The following NAA25 variants were observed in gnomAD, a reference collection of about 807,000 sequenced individuals.
The protein encoded by NAA25 is N-terminal acetyltransferase B complex subunit NAA25.
In NAA25, 30 loss-of-function variants were observed where a neutral mutation model predicts 132.5. The observed-to-expected ratio is 0.23, with a 90% CI of 0.17 to 0.31. The LOEUF (loss-of-function observed/expected upper bound fraction) is 0.31, where lower values mean the gene tolerates loss of function less well. Among genes scored for constraint, NAA25 ranks in the 10% least tolerant of loss-of-function variants. The pLI, the probability that NAA25 is intolerant of heterozygous loss-of-function variation, is 1.00. For missense variants in NAA25, 771 were observed against 1,150.4 expected (o/e 0.67, Z 4.77); for synonymous variants, 359 against 401.9 (o/e 0.89, Z 1.28).
intron 1 of NAA25, among the ~76,000 whole-genome samples, chr12:112,099,992 T>C (rs1473567968): frequency 6.6e-6 from 1 of 152,144 alleles, no homozygotes; most frequent in Non-Finnish European, 1.5e-5. Context: ...TACTTAAAAA[T>C]TCTAAAAGTT....
intron 1 of NAA25, 51 bp from the exon 2 acceptor site, chr12:112,093,187 T>C (rs1156306653): frequency 9.0e-7 from 1 of 1,110,790 alleles, no homozygotes; most frequent in African/African-American, 1.6e-5. Flanking sequence ...CAATAACAAA[T>C]ATAAAAAATG....
At chr12:112,066,965 G>A (rs2078726786) in intron 11 of NAA25, among the ~76,000 whole-genome samples, 1 of 152,176 alleles carries the variant, frequency 6.6e-6, no homozygotes, top group Admixed American at 6.5e-5. Context: ...TGGGAGAACG[G>A]ATGATGGCAG....
intron 10 of NAA25, among the ~76,000 whole-genome samples, chr12:112,070,293 TA>T (rs1191751279): frequency 2.6e-5 from 4 of 152,220 alleles, no homozygotes; most frequent in African/African-American, 9.6e-5. Context: ...AATCATTTTA[TA>T]AAAAGATCTA....
At chr12:112,077,666 A>G (rs902945529) in intron 7 of NAA25, among the ~76,000 whole-genome samples, 1 of 152,060 alleles carries the variant, frequency 6.6e-6, no homozygotes, top group Non-Finnish European at 1.5e-5. Flanking sequence ...GTATAAGAGT[A>G]TGCACAGCAG....
At chr12:112,067,735 A>G (rs1188282158) in intron 11 of NAA25, among the ~76,000 whole-genome samples, 2 of 152,152 alleles carry the variant, frequency 1.3e-5, no homozygotes, top group Non-Finnish European at 2.9e-5. Flanking sequence ...ACTATGTGTA[A>G]CTTCTGAGAT....
intron 22 of NAA25, chr12:112,034,098 C>T (rs1221266434): frequency 1.3e-5 from 2 of 152,160 alleles, no homozygotes; most frequent in Admixed American, 6.5e-5. Flanking sequence ...AAGATACATA[C>T]TCAACACTGT....
chr12:112,088,336 T>TC (rs1371595740), intron 3 of NAA25, among the ~76,000 whole-genome samples: 9 of 144,706 alleles, frequency 6.2e-5, no homozygotes, highest in African/African-American at 2.3e-4. Context: ...TTTTTTTTTT[T>TC]TTTTTTTGGA....
intron 3 of NAA25, among the ~76,000 whole-genome samples, chr12:112,089,983 C>T (rs1226775814): frequency 6.6e-6 from 1 of 150,932 alleles, no homozygotes; most frequent in Non-Finnish European, 1.5e-5. Flanking sequence ...AGGCGTGCAC[C>T]ACCACACCCA....
chr12:112,075,762 C>T lies in NAA25; in HGVS notation c.692G>A (p.Arg231Gln). 1 of 1,613,934 alleles carries T rather than the reference C, an allele frequency of 6.2e-7. No individual in the cohort carries two copies. Among genetic ancestry groups the T allele is most frequent in the Non-Finnish European group, 8.5e-7 (1 of 1,179,878 alleles). Residue 231 changes from arginine to glutamine, a missense_variant, in exon 8 of 24, where the codon CGG (arginine) becomes CAG (glutamine). By Grantham distance (43) the Arg-to-Gln change is conservative. Around this residue, in one of 3 missense-constraint regions of NAA25, gnomAD observed 417 missense variants for 733.8 expected, o/e 0.57. Coordinates refer to ENST00000261745, the MANE Select transcript of NAA25 (RefSeq NM_024953.4). ...GEKLTSEIQSRENKCMAMYKK... is the reference protein window; with the variant it reads ...GEKLTSEIQSQENKCMAMYKK... ...GTACATAGCCATGCATTTATTTTCCCGACTCTGAATCTCACTTGTCAACTT... is the reference window on the plus strand; with the variant it reads ...GTACATAGCCATGCATTTATTTTCCTGACTCTGAATCTCACTTGTCAACTT...
rs530305102 is a variant in NAA25, at chr12:112,059,075, C to CAAAAAAAA, written c.1447+1187_1447+1194dup. Among the ~76,000 whole-genome samples the CAAAAAAAA allele has an allele frequency of 1.6e-4, 10 of 63,278 alleles. 1 individual carries two copies. The highest frequency in any genetic ancestry group is 2.0e-4 in the Non-Finnish European group (5 of 25,592). The allele number at this position is 63,278 out of a possible 152,430, so 41.5% of individuals were successfully genotyped here. On this transcript the variant is annotated intron_variant, in intron 13 of 23. Transcript: ENST00000261745. ...GGCGACAGAGCGAGACTCCATCTCACAAAAAAAAAAAAAAAAAAAAAAAAA... is the reference window on the plus strand; with the variant it reads ...GGCGACAGAGCGAGACTCCATCTCACAAAAAAAAAAAAAAAAAAAAAAAAAAAAAAAAA...
chr12:112,032,025 G>A (rs1170842330), intron 23 of NAA25, among the ~76,000 whole-genome samples: 1 of 151,048 alleles, frequency 6.6e-6, no homozygotes, highest in African/African-American at 2.4e-5. Flanking sequence ...GTGCAGTGGC[G>A]CAATCTCGGC....
At chr12:112,105,210 T>C (rs1171671867) in intron 1 of NAA25, among the ~76,000 whole-genome samples, 1 of 151,280 alleles carries the variant, frequency 6.6e-6, no homozygotes, top group African/African-American at 2.4e-5. Context: ...GTCCCAGTAC[T>C]CAGGAGGCTG....
Position 112,075,769 on chromosome 12 carries a change from G to T in NAA25, c.685C>A (p.Gln229Lys). The T allele has an allele frequency of 6.2e-7, 1 of 1,613,900 alleles. No homozygotes were observed. Among genetic ancestry groups the T allele is most frequent in the Non-Finnish European group, 8.5e-7 (1 of 1,179,828 alleles). ...KLGEKLTSEI[Q>K]SRENKCMAMY... ...GCCATGCATTTATTTTCCCGACTCT[G>T]AATCTCACTTGTCAACTTCTCTAAA... Residue 229 changes from glutamine to lysine, a missense_variant, in exon 8 of 24, where the codon CAG becomes AAG. By Grantham distance (53) the Gln-to-Lys change is moderately conservative (BLOSUM62 1). Around this residue, in one of 3 missense-constraint regions of NAA25, gnomAD observed 417 missense variants for 733.8 expected, o/e 0.57. Transcript: ENST00000261745.
intron 1 of NAA25, among the ~76,000 whole-genome samples, chr12:112,101,971 A>T (rs2079302592): frequency 6.7e-6 from 1 of 149,164 alleles, no homozygotes; most frequent in African/African-American, 2.5e-5. Flanking sequence ...GGTTCAAGCT[A>T]TTCTCCTGCC....
intron 10 of NAA25, among the ~76,000 whole-genome samples, chr12:112,071,195 T>A (rs1384094296): frequency 6.6e-6 from 1 of 151,392 alleles, no homozygotes; most frequent in Non-Finnish European, 1.5e-5. Flanking sequence ...ATTTTTTGTA[T>A]TTTTAGCAGA....
At chr12:112,089,364 A>C (rs1335392860) in intron 3 of NAA25, among the ~76,000 whole-genome samples, 1 of 152,222 alleles carries the variant, frequency 6.6e-6, no homozygotes, top group East Asian at 1.9e-4. Context: ...AAAAACTGCT[A>C]TTCTATTTAT....
At chr12:112,101,135 C>T (rs1197498604) in intron 1 of NAA25, among the ~76,000 whole-genome samples, 4 of 152,102 alleles carry the variant, frequency 2.6e-5, no homozygotes, top group Non-Finnish European at 5.9e-5. Context: ...TTTTCATGTC[C>T]AAAGTAAAAC....
chr12:112,061,117 A>G lies in NAA25; in HGVS notation c.1357+64T>C. 2.8e-6 allele frequency: 4 copies of G among 1,434,576 alleles called. No individual in the cohort carries two copies. The South Asian group carries it at 3.6e-5, about 13-fold the overall frequency. 88.9% of individuals were successfully genotyped at this position (1,434,576 alleles called of 1,614,324 possible). On this transcript the variant is annotated intron_variant, in intron 12 of 23. Coordinates refer to ENST00000261745, the MANE Select transcript of NAA25 (RefSeq NM_024953.4). ...AAAACAGGGTGCTACAGGTGCTTAAAAAACTGCCTTCTAAGTCTTAGTGTA... is the reference window on the plus strand; with the variant it reads ...AAAACAGGGTGCTACAGGTGCTTAAGAAACTGCCTTCTAAGTCTTAGTGTA...
chr12:112,059,241 G>A lies in NAA25; in HGVS notation c.1447+1029C>T, dbSNP rs536857396. Among the ~76,000 whole-genome samples the A allele has an allele frequency of 9.9e-5, 15 of 151,578 alleles. No homozygotes were observed. The South Asian group carries it at 2.3e-3, about 23-fold the overall frequency. On this transcript the variant is annotated intron_variant, in intron 13 of 23. Transcript: ENST00000261745. ...GAGCTGAGATCACGCCACTGCACTC[G>A]AGCCTGGGCAACAAGAACAAGACTC...
Sources: gnomAD v4.1 joint callset for allele counts (sites outside exome capture counted in the v4.1 genomes callset) on GRCh38, gnomAD v4.1.1 for gene constraint, gnomAD v4.1.1 regional missense constraint, MANE v1.5 for transcripts, NCBI Gene and HGNC (gene_info 2026-07-23, HGNC 2026-07-21) for gene names.